Variants in VANGL2 observed in about 807,000 individuals in gnomAD.
VANGL2 encodes VANGL planar cell polarity protein 2, also known as vang-like protein 2.
VANGL2 carries 14 observed loss-of-function variants against 50.2 expected under a neutral mutation model. That is an observed-to-expected ratio of 0.28 (90% CI 0.18 to 0.44). The LOEUF (loss-of-function observed/expected upper bound fraction) is 0.44, where lower values mean the gene tolerates loss of function less well. Ranked by LOEUF, VANGL2 falls within the 20% of genes least tolerant of loss-of-function variation. VANGL2 has a pLI of 1.00. For missense variants in VANGL2, 533 were observed against 701.5 expected (o/e 0.76, Z 2.71); for synonymous variants, 295 against 297.2 (o/e 0.99, Z 0.08).
chr1:160,414,946 C>T (rs1021684337), intron 1 of VANGL2, among the ~76,000 whole-genome samples: 1 of 152,080 alleles, frequency 6.6e-6, no homozygotes, highest in Non-Finnish European at 1.5e-5. Flanking sequence ...TAAACTTGTG[C>T]CTTGCCTGTT....
chr1:160,419,224 G>A lies in VANGL2; in HGVS notation c.415G>A (p.Glu139Lys). Reference protein sequence around the residue: ...LPPLLWREELEPCGTACEGLF... With the variant: ...LPPLLWREELKPCGTACEGLF... ...CCCACTGCTGTGGCGGGAGGAGCTG[G>A]AGCCTTGCGGGACGGCCTGCGAGGG... The change falls in exon 4 of 8, where the codon GAG becomes AAG. Residue 139 changes from glutamate (E) to lysine (K), a missense_variant. Coordinates refer to ENST00000368061, the MANE Select transcript of VANGL2 (RefSeq NM_020335.3). This position sits in a 1 kb window ranked among gnomAD's most constrained non-coding sequence, Gnocchi z 5.8. The A allele has an allele frequency of 6.2e-7, 1 of 1,610,890 alleles. No individual in the cohort carries two copies. The highest frequency in any genetic ancestry group is 8.5e-7 in the Non-Finnish European group (1 of 1,179,956).
intron 1 of VANGL2, among the ~76,000 whole-genome samples, chr1:160,402,756 T>C (rs1361295416): frequency 1.3e-5 from 2 of 151,984 alleles, no homozygotes; most frequent in Non-Finnish European, 2.9e-5. Context: ...ATCCAGGAAG[T>C]GAATGTCTCT....
chr1:160,412,604 T>C (rs900352440), intron 1 of VANGL2, among the ~76,000 whole-genome samples: 1 of 152,202 alleles, frequency 6.6e-6, no homozygotes, highest in Non-Finnish European at 1.5e-5. Flanking sequence ...GAAAGGCTTA[T>C]GGTTGGGTTA....
At chr1:160,416,305 G>A in intron 3 of VANGL2, 123 bp downstream of exon 3, 1 of 1,520,578 alleles carries the variant, frequency 6.6e-7, no homozygotes, top group Non-Finnish European at 9.0e-7. Flanking sequence ...AGATCGGGGA[G>A]TGTGTTTTGT....
chr1:160,425,160 T>C lies in VANGL2; in HGVS notation c.1348T>C (p.Tyr450His). 1 of 1,614,118 alleles carries C rather than the reference T, an allele frequency of 6.2e-7. No homozygotes were observed. Among genetic ancestry groups the C allele is most frequent in the Non-Finnish European group, 8.5e-7 (1 of 1,180,010 alleles). The change falls in exon 8 of 8, where the codon TAC (tyrosine) becomes CAC (histidine). Residue 450 changes from tyrosine (Y) to histidine (H), a missense_variant. Physicochemically the swap from Tyr to His is moderately conservative, Grantham distance 83. Transcript: ENST00000368061. Reference protein sequence around the residue: ...RYLAAGPTIQYHKERWLAKQW... With the variant: ...RYLAAGPTIQHHKERWLAKQW... Reference sequence around the variant, plus strand: ...CTTGGCGGCTGGACCTACCATCCAGTACCACAAGGAACGCTGGCTGGCCAA... The same window carrying C: ...CTTGGCGGCTGGACCTACCATCCAGCACCACAAGGAACGCTGGCTGGCCAA...
intron 6 of VANGL2, among the ~76,000 whole-genome samples, chr1:160,421,847 C>T (rs1651286367): frequency 6.6e-6 from 1 of 152,160 alleles, no homozygotes; most frequent in South Asian, 2.1e-4. Flanking sequence ...GCTAGACTAG[C>T]CTGCCTGCCA....
rs373536899 is a variant in VANGL2, at chr1:160,419,123, G to A, written c.314G>A (p.Arg105His). 5.7e-5 allele frequency: 92 copies of A among 1,614,144 alleles called. No individual in the cohort carries two copies. Among genetic ancestry groups the A allele is most frequent in the Admixed American group, 6.7e-5 (4 of 60,028 alleles). Residue 105 changes from arginine (R) to histidine (H), a missense_variant, in exon 4 of 8, where the codon CGT becomes CAT. Transcript: ENST00000368061. This position sits in a 1 kb window ranked among gnomAD's most constrained non-coding sequence, Gnocchi z 5.8. ...GACAGTGTCCCTCTGGACTGCTCCC[G>A]TCACCTGGGTGTGGCAGCGGGGGCC... Reference protein sequence around the residue: ...MEDSVPLDCSRHLGVAAGATL... With the variant: ...MEDSVPLDCSHHLGVAAGATL...
At chr1:160,415,548 C>T in intron 1 of VANGL2, 100 bp from the exon 2 acceptor site, 2 of 473,172 alleles carry the variant, frequency 4.2e-6, no homozygotes, top group South Asian at 4.2e-5. Flanking sequence ...TGGCTGGGCT[C>T]ATTTGAGCCT....
Position 160,420,516 on chromosome 1 carries a change from G to GTCTGGCT in VANGL2, c.909_915dup (p.Lys306TrpfsTer37). 1 of 1,614,162 alleles carries GTCTGGCT rather than the reference G, an allele frequency of 6.2e-7. No individual in the cohort carries two copies. Among genetic ancestry groups the GTCTGGCT allele is most frequent in the Non-Finnish European group, 8.5e-7 (1 of 1,180,028 alleles). On this transcript the variant is annotated frameshift_variant, in exon 5 of 8. Transcript: ENST00000368061. LOFTEE classifies it high-confidence loss of function. ...CCAAGTCCGTCCTGGCCAAGAAAGT[G>GTCTGGCT]TCTGGCTTCAAGGTGTATTCCCTCG...
intron 7 of VANGL2, 70 bp downstream of exon 7, chr1:160,424,353 C>A: frequency 6.9e-7 from 1 of 1,444,864 alleles, no homozygotes; most frequent in Non-Finnish European, 9.6e-7. Flanking sequence ...TTCATTTTCC[C>A]TTATTCTCTC....
chr1:160,409,445 AAAAGGG>A lies in VANGL2; in HGVS notation c.-190-6184_-190-6179del, dbSNP rs558413346. Among the ~76,000 whole-genome samples the A allele has an allele frequency of 3.2e-4, 48 of 152,138 alleles. No homozygotes were observed. The East Asian group carries it at 3.5e-3, about 11-fold the overall frequency. On this transcript the variant is annotated intron_variant, in intron 1 of 7. Coordinates refer to ENST00000368061, the MANE Select transcript of VANGL2 (RefSeq NM_020335.3). ...CAGCCAGCTGTGTCCTCCTGAAGGG[AAAAGGG>A]AAAGGGAAAGGGAAAGGGGAAGGGG...
At chr1:160,408,688 G>A (rs1043647438) in intron 1 of VANGL2, among the ~76,000 whole-genome samples, 2 of 152,126 alleles carry the variant, frequency 1.3e-5, no homozygotes, top group East Asian at 3.8e-4. Flanking sequence ...CAGGGCGGGG[G>A]TGGGGCACCT....
At chr1:160,418,849 C>A (rs544358728) in intron 3 of VANGL2, among the ~76,000 whole-genome samples, 153 bp from the exon 4 acceptor site, 2 of 152,166 alleles carry the variant, frequency 1.3e-5, no homozygotes, top group South Asian at 4.1e-4. Flanking sequence ...TTGATGGTTG[C>A]GTATTTGTTG....
At position 160,428,175 on chromosome 1, in the gene VANGL2, A is replaced by C. The variant is rs1308124039; in HGVS notation, c.*2797A>C. ...TGTAACACCTGCGATGAGACATCGG[A>C]CTCTCCGGAACTTTCTCATCTGACA... On this transcript the variant is annotated 3_prime_UTR_variant, in exon 8 of 8. Transcript: ENST00000368061. The C allele has an allele frequency of 6.6e-6, 1 of 152,368 alleles. No homozygotes were observed. The highest frequency in any genetic ancestry group is 1.5e-5 in the Non-Finnish European group (1 of 68,002). 9.4% of individuals were successfully genotyped at this position (152,368 alleles called of 1,614,324 possible). A position where few individuals can be genotyped will look rare whatever the true frequency, so the allele number is the denominator to read the frequency against.
At chr1:160,402,058 A>G (rs2101940494) in intron 1 of VANGL2, among the ~76,000 whole-genome samples, 2 of 152,252 alleles carry the variant, frequency 1.3e-5, no homozygotes, top group East Asian at 3.9e-4. Context: ...GCCTGGGTTT[A>G]GGGGTAGTAC....
In VANGL2 at chr1:160,424,095, C is replaced by A. The variant is rs1282548703; in HGVS notation, c.1117C>A (p.Leu373Met). ...VEEAFTHIKR[L>M]QEEEQKNPRE... ...GGAGGCCTTCACTCACATTAAGCGG[C>A]TGCAGGAAGAGGAGCAGAAAAACCC... Residue 373 changes from leucine (L) to methionine (M), a missense_variant, in exon 7 of 8, where the codon CTG becomes ATG. By Grantham distance (15) the Leu-to-Met change is conservative. Coordinates refer to ENST00000368061, the MANE Select transcript of VANGL2 (RefSeq NM_020335.3). 1 of 1,614,076 alleles carries A rather than the reference C, an allele frequency of 6.2e-7. No homozygotes were observed. Among genetic ancestry groups the A allele is most frequent in the Non-Finnish European group, 8.5e-7 (1 of 1,179,918 alleles).
In VANGL2 at chr1:160,415,828, T is replaced by C; in HGVS notation, c.-10T>C. The C allele has an allele frequency of 1.2e-6, 2 of 1,612,176 alleles. No homozygotes were observed. Among genetic ancestry groups the C allele is most frequent in the Non-Finnish European group, 1.7e-6 (2 of 1,179,410 alleles). ...CCCTGGAGCGCTACAAGGCGCGGCG[T>C]TCAGACGCCATGGACACCGAGTCCC... is the stretch of plus-strand genomic sequence containing the variant. On this transcript the variant is annotated 5_prime_UTR_variant, in exon 2 of 8. Coordinates refer to ENST00000368061, the MANE Select transcript of VANGL2 (RefSeq NM_020335.3).
intron 1 of VANGL2, among the ~76,000 whole-genome samples, chr1:160,408,219 C>T (rs1456166241): frequency 2.0e-5 from 3 of 151,398 alleles, no homozygotes; most frequent in Non-Finnish European, 2.9e-5. Context: ...CCTGCCTAGC[C>T]AGGGTGGGTG....
rs778825183 is a variant in VANGL2 at position 160,425,396 on chromosome 1, GA to G, written c.*19del. ...CAGTGTGACTGTGCAACAGCAGGGG[GA>G]GTGGGAAACTCTGGGGGGTCCTGAG... On this transcript the variant is annotated 3_prime_UTR_variant, in exon 8 of 8. Coordinates refer to ENST00000368061, the MANE Select transcript of VANGL2 (RefSeq NM_020335.3). 4 of 1,418,250 alleles carry G rather than the reference GA, an allele frequency of 2.8e-6. No individual in the cohort carries two copies. The African/African-American group carries it at 5.8e-5, about 21-fold the overall frequency. 87.9% of individuals were successfully genotyped at this position (1,418,250 alleles called of 1,614,324 possible).
Sources: allele counts gnomAD v4.1 joint callset (sites outside exome capture counted in the v4.1 genomes callset), GRCh38; gene constraint gnomAD v4.1.1; non-coding constraint Gnocchi (gnomAD v3.1); transcripts MANE v1.5; gene names NCBI Gene and HGNC (gene_info 2026-07-23, HGNC 2026-07-21).